The following POU6F2 variants were observed in gnomAD, a reference collection of about 807,000 sequenced individuals.
The protein encoded by POU6F2 is POU domain, class 6, transcription factor 2.
A neutral mutation model predicts 71.3 loss-of-function variants in POU6F2; 31 were observed. That is an observed-to-expected ratio of 0.43 (90% CI 0.33 to 0.59). The LOEUF is 0.59. Ranked by LOEUF, POU6F2 falls within the 20% of genes least tolerant of loss-of-function variation. The pLI is 0.04. For synonymous variants in POU6F2, 347 were observed against 355.7 expected (o/e 0.98, Z 0.27); for missense variants, 783 against 856.8 (o/e 0.91, Z 1.07).
At chr7:39,405,067 T>C (rs551685119) in intron 5 of POU6F2, 32 of 152,278 alleles carry the variant, frequency 2.1e-4, no homozygotes, top group South Asian at 8.3e-4. Flanking sequence ...CATAAAGTAA[T>C]CAACTTAAAA....
chr7:39,156,567 A>G (rs1453892066), intron 2 of POU6F2, among the ~76,000 whole-genome samples: 1 of 152,202 alleles, frequency 6.6e-6, no homozygotes, highest in Non-Finnish European at 1.5e-5. Flanking sequence ...AGGGTAATGA[A>G]AAAAATCTCA....
intron 1 of POU6F2, chr7:39,085,040 T>C (rs990626380): frequency 1.3e-5 from 2 of 152,188 alleles, no homozygotes; most frequent in East Asian, 3.9e-4. Context: ...GGGGGAAAGT[T>C]TGTCTTTTCT....
intron 5 of POU6F2, among the ~76,000 whole-genome samples, chr7:39,366,269 G>A (rs192925289): frequency 7.0e-4 from 107 of 152,186 alleles, no homozygotes; most frequent in African/African-American, 2.6e-3. Flanking sequence ...TGGGAGATAC[G>A]GCTGAGGTAG....
At chr7:38,978,779 A>T (rs1369093282) in intron 1 of POU6F2, among the ~76,000 whole-genome samples, 2 of 152,224 alleles carry the variant, frequency 1.3e-5, no homozygotes, top group Admixed American at 1.3e-4. Flanking sequence ...ATGAAATGCC[A>T]GAAGAATATC....
Position 39,464,782 on chromosome 7 carries a change from T to A in POU6F2, c.*96T>A, listed in dbSNP as rs986373949. 105 of 1,362,902 alleles carry A rather than the reference T, an allele frequency of 7.7e-5. No individual in the cohort carries two copies. The African/African-American group carries it at 1.4e-3, about 18-fold the overall frequency. The allele number at this position is 1,362,902 out of a possible 1,614,324, so 84.4% of individuals were successfully genotyped here. Reference sequence around the variant, plus strand: ...CAACAACAACAAAATTTAATTTAATTTAAAAATAGCCCCAGTCGTCATCAC... The same window carrying A: ...CAACAACAACAAAATTTAATTTAATATAAAAATAGCCCCAGTCGTCATCAC... On this transcript the variant is annotated 3_prime_UTR_variant, in exon 10 of 10. Transcript: ENST00000518318. The surrounding 1 kb of genome is among the most constrained non-coding windows in gnomAD (Gnocchi z 4.1).
At chr7:39,039,393 C>T (rs915150928) in intron 1 of POU6F2, among the ~76,000 whole-genome samples, 4 of 151,968 alleles carry the variant, frequency 2.6e-5, no homozygotes, top group Admixed American at 6.6e-5. Context: ...TTGTCATCTA[C>T]ATCCTCAGAT....
At chr7:39,085,574 G>T (rs8180838) in intron 1 of POU6F2, among the ~76,000 whole-genome samples, 15,945 of 151,134 alleles carry the variant, frequency 0.11, 983 homozygotes, top group Middle Eastern at 0.17. Flanking sequence ...TGCTTTCAAA[G>T]AAGTTTTTTT....
chr7:39,373,305 G>A (rs902574737), intron 5 of POU6F2, among the ~76,000 whole-genome samples: 7 of 152,182 alleles, frequency 4.6e-5, no homozygotes, highest in South Asian at 2.1e-4. Flanking sequence ...ATGTTGGGAC[G>A]CTGAGCGGTT....
At chr7:39,378,703 T>C (rs1049649566) in intron 5 of POU6F2, among the ~76,000 whole-genome samples, 1 of 152,232 alleles carries the variant, frequency 6.6e-6, no homozygotes, top group Non-Finnish European at 1.5e-5. Context: ...TTGGTTATCA[T>C]CCTTGCAACT....
chr7:39,277,663 C>T (rs1278945569), intron 4 of POU6F2, among the ~76,000 whole-genome samples: 1 of 75,954 alleles, frequency 1.3e-5, no homozygotes, highest in African/African-American at 3.7e-5. Flanking sequence ...AACATTGGTG[C>T]TTTGGTTAAC....
At chr7:39,005,516 T>TGTGTGTGTGTGTGTGTGTGTGTGTG (rs1789037629) in intron 1 of POU6F2, among the ~76,000 whole-genome samples, 8 of 28,290 alleles carry the variant, frequency 2.8e-4, no homozygotes, top group South Asian at 2.9e-3. Context: ...GTGTGTGTGT[T>TGTGTGTGTGTGTGTGTGTGTGTGTG]TATGTTGTGT....
intron 4 of POU6F2, among the ~76,000 whole-genome samples, chr7:39,223,716 T>C (rs1489852594): frequency 6.6e-6 from 1 of 152,204 alleles, no homozygotes; most frequent in Admixed American, 6.5e-5. Flanking sequence ...TATTGCCTTA[T>C]TTTCTGCTTT....
intron 1 of POU6F2, among the ~76,000 whole-genome samples, chr7:39,017,124 G>GAGT (rs1789573495): frequency 6.6e-6 from 1 of 152,086 alleles, no homozygotes; most frequent in South Asian, 2.1e-4. Flanking sequence ...CAAGAACTGT[G>GAGT]TCCTCTTCCC....
In POU6F2 at chr7:38,993,907, A is replaced by C. The variant is rs73369749; in HGVS notation, c.105+15849A>C. Among the ~76,000 whole-genome samples the C allele has an allele frequency of 6.1e-3, 928 of 152,210 alleles. 9 individuals carry two copies. Among genetic ancestry groups the C allele is most frequent in the African/African-American group, 0.021 (890 of 41,526 alleles). On this transcript the variant is annotated intron_variant, in intron 1 of 9. Coordinates refer to ENST00000518318, the MANE Select transcript of POU6F2 (RefSeq NM_001370959.1). ...GCAAAATTTAGCTCAGTCATTCCTTAGTACCTTTCACAGCTGTGGGTAATA... is the reference window on the plus strand; with the variant it reads ...GCAAAATTTAGCTCAGTCATTCCTTCGTACCTTTCACAGCTGTGGGTAATA...
intron 1 of POU6F2, among the ~76,000 whole-genome samples, chr7:38,997,106 G>C (rs538767353): frequency 6.6e-6 from 1 of 152,142 alleles, no homozygotes; most frequent in South Asian, 2.1e-4. Context: ...GAAAGGCAGT[G>C]GGGCTCTCAC....
chr7:38,989,799 G>T (rs12670420), intron 1 of POU6F2, among the ~76,000 whole-genome samples: 6 of 138,594 alleles, frequency 4.3e-5, no homozygotes, highest in African/African-American at 1.6e-4. Context: ...TTCTGTGTGT[G>T]TTTGTGTGTG....
chr7:39,006,593 T>A (rs1357460223), intron 1 of POU6F2, among the ~76,000 whole-genome samples: 1 of 152,204 alleles, frequency 6.6e-6, no homozygotes, highest in Admixed American at 6.5e-5. Context: ...TAGGGCTTCT[T>A]ATTTTCCCAT....
At chr7:39,343,693 T>C (rs900452687) in intron 5 of POU6F2, among the ~76,000 whole-genome samples, 2 of 152,272 alleles carry the variant, frequency 1.3e-5, no homozygotes, top group East Asian at 3.9e-4. Context: ...TGAGTCCCCC[T>C]TCTAGTTCTG....
At chr7:39,089,951 G>C (rs1791329405) in intron 2 of POU6F2, among the ~76,000 whole-genome samples, 1 of 151,872 alleles carries the variant, frequency 6.6e-6, no homozygotes, top group African/African-American at 2.4e-5. Flanking sequence ...AGTCTCGGTG[G>C]CCGGCTTCTC....
Sources: allele counts gnomAD v4.1 joint callset (sites outside exome capture counted in the v4.1 genomes callset), GRCh38; gene constraint gnomAD v4.1.1; non-coding constraint Gnocchi (gnomAD v3.1); transcripts MANE v1.5; gene names NCBI Gene and HGNC (gene_info 2026-07-23, HGNC 2026-07-21).